The following STK3 variants were observed in gnomAD, a reference collection of about 807,000 sequenced individuals.
STK3 encodes serine/threonine kinase 3, also known as serine/threonine-protein kinase 3.
A neutral mutation model predicts 58.0 loss-of-function variants in STK3; 41 were observed. The ratio of observed to expected loss-of-function variants is 0.71; its 90% CI spans 0.55 to 0.92. The LOEUF (loss-of-function observed/expected upper bound fraction) is 0.92, where lower values mean the gene tolerates loss of function less well. Ranked by LOEUF, STK3 falls within the 40% of genes least tolerant of loss-of-function variation. The pLI is 0.00. For synonymous variants in STK3, 170 were observed against 191.0 expected, an observed-to-expected ratio of 0.89 and a Z score of 0.91; for missense variants, 479 against 602.7, an observed-to-expected ratio of 0.79 and a Z score of 2.15.
At chr8:98,566,488 C>T (rs554463463) in intron 8 of STK3, among the ~76,000 whole-genome samples, 1 of 152,042 alleles carries the variant, frequency 6.6e-6, no homozygotes, top group African/African-American at 2.4e-5. Context: ...ACAATAGACC[C>T]AAGTATCAAT....
chr8:98,392,075 A>G (rs1370463538), upstream of STK3, among the ~76,000 whole-genome samples: 2 of 152,184 alleles, frequency 1.3e-5, no homozygotes, highest in Non-Finnish European at 2.9e-5. Flanking sequence ...TCCCCCAAGA[A>G]CTAAATGTTA....
At chr8:98,754,422 GT>G (rs948926916) in intron 3 of STK3, among the ~76,000 whole-genome samples, 15 of 151,836 alleles carry the variant, frequency 9.9e-5, no homozygotes, top group African/African-American at 3.6e-4. Context: ...AGCTCTACCG[GT>G]GACTCTGACA....
At chr8:98,712,199 G>C (rs1269309273) in intron 4 of STK3, among the ~76,000 whole-genome samples, 1 of 152,228 alleles carries the variant, frequency 6.6e-6, no homozygotes, top group East Asian at 1.9e-4. Flanking sequence ...GTAAGACCAT[G>C]AATGCTAGGA....
chr8:98,352,916 A>ACATATTT, the STK3 span, among the ~76,000 whole-genome samples: 1 of 152,222 alleles, frequency 6.6e-6, no homozygotes. Context: ...TACCCTGAAC[A>ACATATTT]CATATTTTTT....
chr8:98,693,780 T>C (rs1411336911), intron 6 of STK3, among the ~76,000 whole-genome samples: 1 of 152,234 alleles, frequency 6.6e-6, no homozygotes, highest in Non-Finnish European at 1.5e-5. Context: ...TTAAGTGTGT[T>C]GGGTGTGGTA....
intron 6 of STK3, among the ~76,000 whole-genome samples, chr8:98,619,429 C>A (rs948387354): frequency 2.7e-5 from 4 of 148,996 alleles, no homozygotes; most frequent in Non-Finnish European, 5.9e-5. Flanking sequence ...TCCAAAACAC[C>A]AAAAGCAATG....
At chr8:98,849,717 G>A (rs949127241) in intron 3 of STK3, among the ~76,000 whole-genome samples, 1 of 152,000 alleles carries the variant, frequency 6.6e-6, no homozygotes, top group African/African-American at 2.4e-5. Context: ...CATAATTTCA[G>A]ATACCAAAAG....
intron 8 of STK3, among the ~76,000 whole-genome samples, chr8:98,558,006 T>A (rs1159572609): frequency 6.6e-6 from 1 of 152,116 alleles, no homozygotes; most frequent in South Asian, 2.1e-4. Context: ...AACAAAAGAT[T>A]ACCTTACATC....
intron 6 of STK3, among the ~76,000 whole-genome samples, chr8:98,653,988 C>T (rs1209592984): frequency 6.6e-6 from 1 of 152,172 alleles, no homozygotes; most frequent in African/African-American, 2.4e-5. Flanking sequence ...TTTTATGAGG[C>T]CAGCATCATC....
intron 6 of STK3, among the ~76,000 whole-genome samples, chr8:98,659,710 A>G (rs1461057019): frequency 5.9e-5 from 9 of 151,996 alleles, no homozygotes; most frequent in Non-Finnish European, 1.0e-4. Context: ...AACACTTCCA[A>G]TCAATTAAAT....
At chr8:98,412,076 C>T (rs1258633600) in intron 3 of STK3, among the ~76,000 whole-genome samples, 1 of 152,166 alleles carries the variant, frequency 6.6e-6, no homozygotes, top group African/African-American at 2.4e-5. Context: ...ATCTATCTCC[C>T]GCAAGGATTG....
chr8:98,835,771 A>T (rs1056186462), intron 3 of STK3, among the ~76,000 whole-genome samples: 1 of 152,112 alleles, frequency 6.6e-6, no homozygotes, highest in African/African-American at 2.4e-5. Flanking sequence ...CCTCTTCAAC[A>T]AGGTCTGGAT....
chr8:98,769,900 A>G (rs1311494054), intron 2 of STK3, among the ~76,000 whole-genome samples: 1 of 152,244 alleles, frequency 6.6e-6, no homozygotes, highest in Non-Finnish European at 1.5e-5. Flanking sequence ...CTTAATTCTT[A>G]CAGAAACAGG....
chr8:98,835,869 G>A (rs1015748530), intron 3 of STK3, among the ~76,000 whole-genome samples: 1 of 152,150 alleles, frequency 6.6e-6, no homozygotes, highest in African/African-American at 2.4e-5. Context: ...GTCAGTTCAG[G>A]CTGCTATAAC....
At chr8:98,906,017 C>T (rs1246022134) in intron 1 of STK3, among the ~76,000 whole-genome samples, 1 of 152,144 alleles carries the variant, frequency 6.6e-6, no homozygotes, top group African/African-American at 2.4e-5. Flanking sequence ...GATTGGCACA[C>T]GTGTGGGCTA....
intron 3 of STK3, among the ~76,000 whole-genome samples, chr8:98,756,911 G>A (rs552034264): frequency 6.6e-6 from 1 of 152,256 alleles, no homozygotes; most frequent in East Asian, 1.9e-4. Flanking sequence ...AAAGCCCTAT[G>A]CCCCAGAACC....
intron 8 of STK3, among the ~76,000 whole-genome samples, chr8:98,560,657 G>A (rs984424710): frequency 1.3e-5 from 2 of 152,114 alleles, no homozygotes; most frequent in African/African-American, 4.8e-5. Flanking sequence ...ATTCCAGGAA[G>A]TTAATTTAGA....
chr8:98,657,481 G>C (rs1328615004), intron 6 of STK3, among the ~76,000 whole-genome samples: 1 of 151,976 alleles, frequency 6.6e-6, no homozygotes, highest in African/African-American at 2.4e-5. Context: ...GAGACCCATA[G>C]GGTTATATGG....
intron 1 of STK3, among the ~76,000 whole-genome samples, chr8:98,918,258 C>A (rs926070517): frequency 2.0e-5 from 3 of 152,168 alleles, no homozygotes; most frequent in African/African-American, 7.2e-5. Flanking sequence ...GTTATCAAGT[C>A]TCCCTCTGTG....
Sources: allele counts gnomAD v4.1 joint callset (sites outside exome capture counted in the v4.1 genomes callset), GRCh38; gene constraint gnomAD v4.1.1; transcripts MANE v1.5; gene names NCBI Gene and HGNC (gene_info 2026-07-23, HGNC 2026-07-21).